Variants in TLK2 observed in about 807,000 individuals in gnomAD.
TLK2 encodes serine/threonine-protein kinase tousled-like 2.
Under a neutral mutation model 117.3 loss-of-function variants are expected in TLK2, and 6 were observed. The ratio of observed to expected loss-of-function variants is 0.05; its 90% CI spans 0.03 to 0.10. The LOEUF (loss-of-function observed/expected upper bound fraction) is 0.10, where lower values mean the gene tolerates loss of function less well. TLK2 is among the 10% of genes least tolerant of loss of function. The probability of loss-of-function intolerance (pLI) is 1.00; values close to 1 mark genes in which losing one functional copy is unlikely to be tolerated. For missense variants in TLK2, 299 were observed against 901.2 expected (o/e 0.33, Z 8.56); for synonymous variants, 257 against 316.7 (o/e 0.81, Z 2.00).
chr17:62,510,776 C>A (rs1040656146), intron 2 of TLK2, among the ~76,000 whole-genome samples: 4 of 152,112 alleles, frequency 2.6e-5, no homozygotes, highest in Non-Finnish European at 5.9e-5. Flanking sequence ...TCCAAATACA[C>A]TAAAGTACTG....
intron 6 of TLK2, among the ~76,000 whole-genome samples, chr17:62,531,816 T>TCTCA (rs2076761004): frequency 6.6e-6 from 1 of 152,190 alleles, no homozygotes; most frequent in Non-Finnish European, 1.5e-5. Flanking sequence ...TGTCAACATT[T>TCTCA]CTCAAGACAA....
intron 1 of TLK2, among the ~76,000 whole-genome samples, chr17:62,480,696 T>G (rs1390837205): frequency 6.6e-6 from 1 of 152,230 alleles, no homozygotes; most frequent in Admixed American, 6.5e-5. Flanking sequence ...TGATTCATAT[T>G]TTTAGTTTAA....
At chr17:62,485,681 A>G (rs1480382629) in intron 2 of TLK2, among the ~76,000 whole-genome samples, 10 of 128,176 alleles carry the variant, frequency 7.8e-5, no homozygotes, top group Non-Finnish European at 1.4e-4. Context: ...ATGAGGGGAA[A>G]GTAGTAATGT....
At chr17:62,590,132 AAAAC>A (rs1303261175) in intron 16 of TLK2, among the ~76,000 whole-genome samples, 3 of 150,332 alleles carry the variant, frequency 2.0e-5, no homozygotes, top group Non-Finnish European at 4.4e-5. Flanking sequence ...AAAAACAAAA[AAAAC>A]AAACAGCAGC....
At chr17:62,573,456 T>C (rs912267589) in intron 12 of TLK2, 89 bp downstream of exon 12, 20 of 1,532,710 alleles carry the variant, frequency 1.3e-5, no homozygotes, top group Non-Finnish European at 1.7e-5. Context: ...TTTTAAATTC[T>C]TGAGGTCACT....
chr17:62,554,670 C>G (rs2078713572), intron 9 of TLK2, among the ~76,000 whole-genome samples: 2 of 152,074 alleles, frequency 1.3e-5, no homozygotes, highest in African/African-American at 4.8e-5. Flanking sequence ...TGCTTGAGAT[C>G]AGGGGTTTGA....
chr17:62,541,093 C>T (rs1161773688), intron 7 of TLK2, among the ~76,000 whole-genome samples: 1 of 152,154 alleles, frequency 6.6e-6, no homozygotes, highest in Non-Finnish European at 1.5e-5. Context: ...TCTCTCAGTT[C>T]CCTCTGGTTT....
intron 16 of TLK2, among the ~76,000 whole-genome samples, chr17:62,596,249 T>C (rs1360238045): frequency 1.3e-5 from 2 of 152,152 alleles, no homozygotes; most frequent in African/African-American, 4.8e-5. Context: ...CTAAGTTTTA[T>C]ATTTTTAGTA....
intron 20 of TLK2, among the ~76,000 whole-genome samples, chr17:62,607,267 C>T (rs1219234843): frequency 6.6e-6 from 1 of 151,672 alleles, no homozygotes; most frequent in Non-Finnish European, 1.5e-5. Flanking sequence ...CACCTGTAAT[C>T]CCAGCACTTT....
At chr17:62,474,080 G>T (rs1315478188), upstream of TLK2, among the ~76,000 whole-genome samples, 17 of 151,474 alleles carry the variant, frequency 1.1e-4, no homozygotes, top group Non-Finnish European at 1.3e-4. Context: ...ATTTTTTTTT[G>T]TTAATTATTA....
intron 2 of TLK2, among the ~76,000 whole-genome samples, chr17:62,501,095 G>A (rs1461126295): frequency 5.9e-5 from 9 of 152,038 alleles, no homozygotes. Flanking sequence ...AAAATTAGCC[G>A]GGCGTGGTGG....
chr17:62,482,018 T>C (rs2071715036), intron 2 of TLK2, among the ~76,000 whole-genome samples: 1 of 152,106 alleles, frequency 6.6e-6, no homozygotes, highest in Non-Finnish European at 1.5e-5. Flanking sequence ...TGATCTCGGC[T>C]CACTGCAGCC....
intron 3 of TLK2, among the ~76,000 whole-genome samples, chr17:62,521,629 T>TC (rs1249256700): frequency 6.6e-6 from 1 of 152,070 alleles, no homozygotes; most frequent in Non-Finnish European, 1.5e-5. Context: ...CAAGCCATCC[T>TC]CCCACCTCAG....
intron 2 of TLK2, chr17:62,516,634 A>T (rs2075616057): frequency 1.9e-6 from 3 of 1,610,074 alleles, no homozygotes; most frequent in Non-Finnish European, 2.5e-6. Flanking sequence ...GGCCTTCATG[A>T]CATGAAGGTT....
chr17:62,613,052 G>A lies in TLK2; in HGVS notation c.*487G>A, dbSNP rs1276385691. On this transcript the variant is annotated 3_prime_UTR_variant, in exon 22 of 22. Transcript: ENST00000346027. ...TAGCACAAAGGCTCAGCTGGGGATG[G>A]TGTTTGACTTCGGAGGAAAAAAGTT... 2 of 152,666 alleles carry A rather than the reference G, an allele frequency of 1.3e-5. No homozygotes were observed. Among genetic ancestry groups the A allele is most frequent in the Admixed American group, 6.5e-5 (1 of 15,292 alleles). 9.5% of individuals were successfully genotyped at this position (152,666 alleles called of 1,614,324 possible). A position where few individuals can be genotyped will look rare whatever the true frequency, so the allele number is the denominator to read the frequency against.
At chr17:62,484,200 G>A in intron 2 of TLK2, among the ~76,000 whole-genome samples, 1 of 152,042 alleles carries the variant, frequency 6.6e-6, no homozygotes, top group Non-Finnish European at 1.5e-5. Flanking sequence ...TTGAGGACTA[G>A]CAGGAGAGTA....
intron 5 of TLK2, 89 bp from the exon 6 acceptor site, chr17:62,524,147 G>C (rs2076225007): frequency 1.1e-6 from 1 of 946,420 alleles, no homozygotes; most frequent in Non-Finnish European, 1.5e-6. Context: ...ATATAATTAA[G>C]ATCTGTTTGT....
intron 1 of TLK2, among the ~76,000 whole-genome samples, 175 bp downstream of exon 1, chr17:62,479,465 G>A (rs2071344854): frequency 6.6e-6 from 1 of 152,078 alleles, no homozygotes; most frequent in Non-Finnish European, 1.5e-5. Context: ...GTCGCTGAGG[G>A]GCCGGGCAGA....
intron 10 of TLK2, among the ~76,000 whole-genome samples, chr17:62,562,436 T>G (rs188105686): frequency 6.6e-6 from 1 of 152,178 alleles, no homozygotes; most frequent in Non-Finnish European, 1.5e-5. Flanking sequence ...ACTTTAAAAA[T>G]TTTAAAACTC....
Sources: allele counts gnomAD v4.1 joint callset (sites outside exome capture counted in the v4.1 genomes callset), GRCh38; gene constraint gnomAD v4.1.1; transcripts MANE v1.5; gene names NCBI Gene and HGNC (gene_info 2026-07-23, HGNC 2026-07-21).